The following NALF1 variants were observed in gnomAD, a reference collection of about 807,000 sequenced individuals.
NALF1 encodes the protein NALCN channel auxiliary factor 1.
In NALF1, 3 loss-of-function variants were observed where a neutral mutation model predicts 48.4. That is an observed-to-expected ratio of 0.06 (90% CI 0.03 to 0.16). The LOEUF (loss-of-function observed/expected upper bound fraction) is 0.16. NALF1 is among the 10% of genes least tolerant of loss of function. The pLI, the probability that NALF1 is intolerant of heterozygous loss-of-function variation, is 1.00. For missense variants in NALF1, 526 were observed against 571.5 expected, an observed-to-expected ratio of 0.92 and a Z score of 0.81; for synonymous variants, 262 against 245.7, an observed-to-expected ratio of 1.07 and a Z score of -0.62.
In NALF1 at chr13:107,167,009, C is replaced by T. The variant is rs1043424198; in HGVS notation, c.*3488G>A. On this transcript the variant is annotated 3_prime_UTR_variant, in exon 3 of 3. Coordinates refer to ENST00000375915, the MANE Select transcript of NALF1 (RefSeq NM_001080396.3). ...TTAATGCAAGAAAAGTTCAATATAA[C>T]GTATCACCAAATGTAAATGCAATAA... 6.6e-6 allele frequency: 1 copy of T among 152,126 alleles called. No individual in the cohort carries two copies. Among genetic ancestry groups the T allele is most frequent in the Admixed American group, 6.5e-5 (1 of 15,270 alleles). The allele number at this position is 152,126 out of a possible 1,614,324, so 9.4% of individuals were successfully genotyped here.
At chr13:107,182,558 C>A (rs1879088918) in intron 2 of NALF1, among the ~76,000 whole-genome samples, 1 of 152,114 alleles carries the variant, frequency 6.6e-6, no homozygotes, top group Non-Finnish European at 1.5e-5. Context: ...GTGTAAGTCA[C>A]CACACTCGGC....
At chr13:107,569,554 G>A (rs1877924806) in intron 1 of NALF1, among the ~76,000 whole-genome samples, 1 of 151,782 alleles carries the variant, frequency 6.6e-6, no homozygotes, top group South Asian at 2.1e-4. Flanking sequence ...GCATAGTTCT[G>A]TAGATCTATT....
At chr13:107,492,006 T>A (rs1875145635) in intron 1 of NALF1, among the ~76,000 whole-genome samples, 1 of 150,814 alleles carries the variant, frequency 6.6e-6, no homozygotes, top group South Asian at 2.1e-4. Flanking sequence ...AATGTACACG[T>A]GTTTCATTTT....
intron 1 of NALF1, among the ~76,000 whole-genome samples, chr13:107,809,669 A>G (rs1444322398): frequency 6.6e-6 from 1 of 151,990 alleles, no homozygotes; most frequent in Non-Finnish European, 1.5e-5. Flanking sequence ...TGGAAGACTT[A>G]TTTTTGCTAT....
intron 1 of NALF1, among the ~76,000 whole-genome samples, chr13:107,782,632 C>A (rs1177387405): frequency 6.6e-6 from 1 of 151,872 alleles, no homozygotes; most frequent in African/African-American, 2.4e-5. Context: ...GGCCGCCATC[C>A]CATCTAGGAA....
intron 1 of NALF1, among the ~76,000 whole-genome samples, chr13:107,667,499 C>T (rs569440621): frequency 7.5e-4 from 114 of 152,118 alleles, no homozygotes; most frequent in Non-Finnish European, 1.0e-3. Flanking sequence ...ATTTATGTCA[C>T]TAAATGGTTT....
intron 1 of NALF1, among the ~76,000 whole-genome samples, chr13:107,677,694 T>C (rs977170784): frequency 1.9e-4 from 29 of 152,156 alleles, no homozygotes; most frequent in Admixed American, 1.7e-3. Context: ...ACATAAAGTA[T>C]GATCAAAATA....
chr13:107,426,540 GTTAA>G (rs1337001960), intron 1 of NALF1, among the ~76,000 whole-genome samples: 2 of 152,190 alleles, frequency 1.3e-5, no homozygotes, highest in East Asian at 3.9e-4. Context: ...ATGTGTTTGG[GTTAA>G]TTATTTTTTA....
chr13:107,604,820 G>A (rs1475703320), intron 1 of NALF1, among the ~76,000 whole-genome samples: 1 of 152,090 alleles, frequency 6.6e-6, no homozygotes, highest in Non-Finnish European at 1.5e-5. Context: ...CTGAATTCTT[G>A]TAGGAACAGA....
intron 1 of NALF1, among the ~76,000 whole-genome samples, chr13:107,297,200 A>C (rs1232589841): frequency 1.3e-5 from 2 of 152,076 alleles, no homozygotes; most frequent in Non-Finnish European, 2.9e-5. Flanking sequence ...TCCTTCTCTC[A>C]CTAAATGGTA....
intron 1 of NALF1, among the ~76,000 whole-genome samples, chr13:107,798,142 T>C (rs964903510): frequency 3.3e-5 from 5 of 152,194 alleles, no homozygotes; most frequent in African/African-American, 1.2e-4. Context: ...TTTCATTCTT[T>C]GGAATATGGG....
intron 1 of NALF1, among the ~76,000 whole-genome samples, chr13:107,839,321 C>T (rs1224101577): frequency 2.0e-5 from 3 of 149,268 alleles, no homozygotes; most frequent in African/African-American, 5.0e-5. Flanking sequence ...ATCTTTCAGA[C>T]TCCAATCTTT....
rs76445868 is a variant in NALF1, at chr13:107,512,612, T to A, written c.916-301857A>T. Among the ~76,000 whole-genome samples the A allele has an allele frequency of 8.8e-3, 1,343 of 152,232 alleles. 22 individuals are homozygous for A. Among genetic ancestry groups the A allele is most frequent in the African/African-American group, 0.031 (1,280 of 41,532 alleles). On this transcript the variant is annotated intron_variant, in intron 1 of 2. Coordinates refer to ENST00000375915, the MANE Select transcript of NALF1 (RefSeq NM_001080396.3). ...CCATGACTGTCCTACAGAGCAGGGC[T>A]ACCCCACAGGCAGGGAGGGGCAGCT...
chr13:107,600,344 A>G (rs375013697), intron 1 of NALF1, among the ~76,000 whole-genome samples: 1 of 152,184 alleles, frequency 6.6e-6, no homozygotes, highest in East Asian at 1.9e-4. Context: ...TATTATCAAT[A>G]TTTTAGAGTT....
intron 1 of NALF1, among the ~76,000 whole-genome samples, chr13:107,476,652 T>C (rs903431937): frequency 3.9e-5 from 6 of 152,122 alleles, no homozygotes; most frequent in Non-Finnish European, 7.4e-5. Context: ...TTTGACAATT[T>C]ATTAGTTCTA....
intron 1 of NALF1, among the ~76,000 whole-genome samples, chr13:107,380,248 A>C (rs956729486): frequency 6.6e-5 from 10 of 152,226 alleles, no homozygotes; most frequent in Non-Finnish European, 1.3e-4. Flanking sequence ...TTCCTAGTTC[A>C]GAAATGTTAA....
intron 1 of NALF1, among the ~76,000 whole-genome samples, chr13:107,634,979 A>T (rs779127875): frequency 2.0e-5 from 3 of 152,174 alleles, no homozygotes; most frequent in Non-Finnish European, 4.4e-5. Flanking sequence ...CTGAAGGGTG[A>T]CAGGTATATT....
At chr13:107,306,716 C>T (rs1236958622) in intron 1 of NALF1, among the ~76,000 whole-genome samples, 1 of 152,164 alleles carries the variant, frequency 6.6e-6, no homozygotes, top group Admixed American at 6.5e-5. Context: ...GTAGTCTCAG[C>T]GCTTTGGGAG....
chr13:107,834,430 G>C (rs1443676941), intron 1 of NALF1, among the ~76,000 whole-genome samples: 1 of 152,194 alleles, frequency 6.6e-6, no homozygotes, highest in Non-Finnish European at 1.5e-5. Flanking sequence ...TCAATGTCAA[G>C]AGTATGGGGA....
Sources: gnomAD v4.1 joint callset for allele counts (sites outside exome capture counted in the v4.1 genomes callset) on GRCh38, gnomAD v4.1.1 for gene constraint, MANE v1.5 for transcripts, NCBI Gene and HGNC (gene_info 2026-07-23, HGNC 2026-07-21) for gene names.